PCDHGA3: variants seen among roughly 807,000 people sequenced by gnomAD.
The protein encoded by PCDHGA3 is protocadherin gamma-A3.
PCDHGA3 carries 40 observed loss-of-function variants against 58.5 expected under a neutral mutation model. The ratio of observed to expected loss-of-function variants is 0.68; its 90% CI spans 0.53 to 0.89. PCDHGA3 has a LOEUF of 0.89. Ranked by LOEUF, PCDHGA3 falls within the 40% of genes least tolerant of loss-of-function variation. The pLI, the probability that PCDHGA3 is intolerant of heterozygous loss-of-function variation, is 0.00. For synonymous variants in PCDHGA3, 530 were observed against 525.7 expected (o/e 1.01, Z -0.11); for missense variants, 1,223 against 1,195.9 (o/e 1.02, Z -0.33).
In PCDHGA3 at chr5:141,393,675, C is replaced by T. The variant is rs755191809; in HGVS notation, c.2424+47218C>T. The stretch of plus-strand genomic sequence containing the variant: ...CAAATTCCGGAAAATTAATGAAAAA[C>T]AAACTCCGTTATTCCAGCTTAATGA... On this transcript the variant is annotated intron_variant, in intron 1 of 3. Transcript: ENST00000253812. 4 of 1,613,756 alleles carry T rather than the reference C, an allele frequency of 2.5e-6. No individual in the cohort carries two copies. The South Asian group carries it at 3.3e-5, about 13-fold the overall frequency.
In PCDHGA3 at chr5:141,489,117, T is replaced by A; in HGVS notation, c.2425-5690T>A. On this transcript the variant is annotated intron_variant, in intron 1 of 3. Coordinates refer to ENST00000253812, the MANE Select transcript of PCDHGA3 (RefSeq NM_018916.4). The surrounding 1 kb of genome is among the most constrained non-coding windows in gnomAD (Gnocchi z 4.5). ...AAGAACTGCTGCAAGCAGGCAAACCTCCGAGCAGTTTTTAAGAGGCTGGAA... is the reference window on the plus strand; with the variant it reads ...AAGAACTGCTGCAAGCAGGCAAACCACCGAGCAGTTTTTAAGAGGCTGGAA... The A allele has an allele frequency of 1.4e-5, 5 of 370,102 alleles. No homozygotes were observed. The highest frequency in any genetic ancestry group is 2.3e-5 in the Non-Finnish European group (5 of 214,436). 22.9% of individuals were successfully genotyped at this position (370,102 alleles called of 1,614,324 possible).
chr5:141,388,424 GATAA>G, intron 1 of PCDHGA3: 1 of 1,613,812 alleles, frequency 6.2e-7, no homozygotes, highest in Non-Finnish European at 8.5e-7. Context: ...ATTTCTCACT[GATAA>G]ATAAAGAGAA....
At chr5:141,418,343 A>G in intron 1 of PCDHGA3, 1 of 1,614,010 alleles carries the variant, frequency 6.2e-7, no homozygotes, top group Non-Finnish European at 8.5e-7. Flanking sequence ...AGATCCTGAT[A>G]TTAGTATGAA....
intron 1 of PCDHGA3, chr5:141,441,118 G>C (rs1265461098): frequency 6.6e-6 from 1 of 152,212 alleles, no homozygotes; most frequent in Non-Finnish European, 1.5e-5. Flanking sequence ...CCAGTGTACA[G>C]TTGAGACCGA....
At chr5:141,351,340 T>C in intron 1 of PCDHGA3, 1 of 1,613,562 alleles carries the variant, frequency 6.2e-7, no homozygotes, top group Non-Finnish European at 8.5e-7. Context: ...ACCTTGGAAC[T>C]GTAATAGCCC....
rs755409676 is a variant in PCDHGA3 at position 141,383,729 on chromosome 5, T to C, written c.2424+37272T>C. 7 of 1,613,984 alleles carry C rather than the reference T, an allele frequency of 4.3e-6. No homozygotes were observed. In the South Asian group the frequency reaches 6.6e-5, roughly 15 times the overall value. ...CTGGACGAGGGAGTCAATGGGGAAG[T>C]GACATATTCTTTTCGGAAAATAACT... On this transcript the variant is annotated intron_variant, in intron 1 of 3. Transcript: ENST00000253812.
At chr5:141,510,860 G>A (rs1274817106) in intron 3 of PCDHGA3, 87 bp from the exon 4 acceptor site, 11 of 1,606,558 alleles carry the variant, frequency 6.8e-6, no homozygotes, top group South Asian at 4.4e-5. Context: ...GTGCTGTATA[G>A]GCATTCATTA....
At chr5:141,409,743 T>C in intron 1 of PCDHGA3, 2 of 1,613,048 alleles carry the variant, frequency 1.2e-6, no homozygotes, top group Non-Finnish European at 1.7e-6. Flanking sequence ...AGCGGGGTGG[T>C]GTTCGCGCAG....
intron 1 of PCDHGA3, chr5:141,376,676 G>GTTTTTTTTTTTTTTTTTTTTTTTT (rs67197835): frequency 1.1e-5 from 3 of 275,812 alleles, no homozygotes; most frequent in African/African-American, 3.7e-5. Flanking sequence ...TGAGGGTATC[G>GTTTTTTTTTTTTTTTTTTTTTTTT]TTTTTTTTTT....
intron 1 of PCDHGA3, chr5:141,372,116 C>T: frequency 6.2e-7 from 1 of 1,613,806 alleles, no homozygotes; most frequent in Non-Finnish European, 8.5e-7. Context: ...GCTCTGCGCT[C>T]TTCGATATGG....
At chr5:141,356,462 C>T in intron 1 of PCDHGA3, 1 of 1,613,660 alleles carries the variant, frequency 6.2e-7, no homozygotes, top group Non-Finnish European at 8.5e-7. Context: ...TATAACATCA[C>T]TGTAACTGCC....
chr5:141,447,954 C>T (rs927510517), intron 1 of PCDHGA3, among the ~76,000 whole-genome samples: 11 of 151,814 alleles, frequency 7.2e-5, no homozygotes, highest in Non-Finnish European at 1.2e-4. Flanking sequence ...GGCATGGTGG[C>T]GGACACCTAT....
At chr5:141,429,329 A>G (rs1561840804) in intron 1 of PCDHGA3, among the ~76,000 whole-genome samples, 1 of 152,122 alleles carries the variant, frequency 6.6e-6, no homozygotes, top group Non-Finnish European at 1.5e-5. Flanking sequence ...TCTTTAATCC[A>G]TTAACTATAA....
rs934206266 is a variant in PCDHGA3, at chr5:141,483,131, G to A, written c.2425-11676G>A. Among the ~76,000 whole-genome samples, 14 of 152,274 alleles carry A rather than the reference G, an allele frequency of 9.2e-5. No individual in the cohort carries two copies. The South Asian group carries it at 2.9e-3, about 32-fold the overall frequency. On this transcript the variant is annotated intron_variant, in intron 1 of 3. Transcript: ENST00000253812. ...AACAGACAGTCTTTGTAGGAGATGA[G>A]GTGAAGCAAGTAGGCAGGAGTTAGA...
intron 1 of PCDHGA3, chr5:141,375,695 G>A (rs540188136): frequency 3.1e-6 from 5 of 1,614,132 alleles, no homozygotes; most frequent in Middle Eastern, 1.6e-4. Flanking sequence ...CAGCGACAGC[G>A]GGGACCCGCC....
chr5:141,355,808 A>AG lies in PCDHGA3; in HGVS notation c.2424+9353dup, dbSNP rs750575688. On this transcript the variant is annotated intron_variant, in intron 1 of 3. Transcript: ENST00000253812. ...GTGCTGGAACGCGCTCTAGATCGCG[A>AG]GGAAGAGGCGGTTCACCACCTCGTT... The AG allele has an allele frequency of 5.0e-6, 8 of 1,613,360 alleles. No individual in the cohort carries two copies. In the South Asian group the frequency reaches 7.7e-5, roughly 16 times the overall value.
intron 1 of PCDHGA3, among the ~76,000 whole-genome samples, chr5:141,479,846 C>A (rs1350909064): frequency 1.3e-5 from 2 of 152,194 alleles, no homozygotes; most frequent in Admixed American, 6.5e-5. Context: ...TGCAAGGTGA[C>A]TGCAAGGCCT....
chr5:141,396,902 A>C (rs2093450439), intron 1 of PCDHGA3, among the ~76,000 whole-genome samples: 1 of 152,234 alleles, frequency 6.6e-6, no homozygotes, highest in African/African-American at 2.4e-5. Context: ...TATTATTGGC[A>C]CTTTGCAATT....
intron 1 of PCDHGA3, chr5:141,399,563 T>G: frequency 6.2e-7 from 1 of 1,614,054 alleles, no homozygotes; most frequent in Non-Finnish European, 8.5e-7. Flanking sequence ...GACTTGGGGT[T>G]GAACGGCCAA....
Sources: gnomAD v4.1 joint callset for allele counts (sites outside exome capture counted in the v4.1 genomes callset) on GRCh38, gnomAD v4.1.1 for gene constraint, Gnocchi (gnomAD v3.1) non-coding constraint, MANE v1.5 for transcripts, NCBI Gene and HGNC (gene_info 2026-07-23, HGNC 2026-07-21) for gene names.